The following CHIT1 variants were observed in gnomAD, a reference collection of about 807,000 sequenced individuals.
The protein encoded by CHIT1 is chitinase 1.
In CHIT1, 47 loss-of-function variants were observed where a neutral mutation model predicts 52.0. The ratio of observed to expected loss-of-function variants is 0.90; its 90% confidence interval spans 0.71 to 1.15. CHIT1 has a LOEUF of 1.15. Among genes scored for constraint, CHIT1 ranks in the 50% most tolerant of loss-of-function variants. The pLI is 0.00. For missense variants in CHIT1, 569 were observed against 583.0 expected, an observed-to-expected ratio of 0.98 and a Z score of 0.25; for synonymous variants, 242 against 228.2, an observed-to-expected ratio of 1.06 and a Z score of -0.54.
At chr1:203,226,475 A>G (rs1294288279) in intron 2 of CHIT1, among the ~76,000 whole-genome samples, 1 of 152,198 alleles carries the variant, frequency 6.6e-6, no homozygotes, top group African/African-American at 2.4e-5. Flanking sequence ...TAAAATGCAA[A>G]CAGATAAGTA....
chr1:203,222,135 A>T, intron 7 of CHIT1, 67 bp downstream of exon 7: 1 of 1,608,682 alleles, frequency 6.2e-7, no homozygotes, highest in South Asian at 1.1e-5. Context: ...CTCGGGGCTC[A>T]AAAGAAGCCA....
Position 203,216,433 on chromosome 1 carries a change from C to T in CHIT1, c.*456G>A, listed in dbSNP as rs1306841624. The T allele has an allele frequency of 4.4e-6, 2 of 454,868 alleles. No individual in the cohort carries two copies. Among genetic ancestry groups the T allele is most frequent in the African/African-American group, 4.0e-5 (2 of 50,028 alleles). 28.2% of individuals were successfully genotyped at this position (454,868 alleles called of 1,614,324 possible). On this transcript the variant is annotated 3_prime_UTR_variant, in exon 11 of 11. Transcript: ENST00000367229. ...CGTGCGTGAAGGTCCGCAGAAGCTC[C>T]TGTTTCCAGGCTTCTGAGCCAATAA...
In CHIT1 at chr1:203,217,764, G is replaced by A; in HGVS notation, c.1131C>T (p.Leu377=). The A allele has an allele frequency of 1.2e-6, 2 of 1,614,004 alleles. No homozygotes were observed. The highest frequency in any genetic ancestry group is 1.7e-6 in the Non-Finnish European group (2 of 1,179,864). The part of the protein sequence containing the change: ...GFSCNQGRYP[L]IQTLRQELSL... ...TCAGTTCCTGCCGTAGCGTCTGGATGAGGGGGTATCGGCCCTGGTTGCAGG... is the reference window on the plus strand; with the variant it reads ...TCAGTTCCTGCCGTAGCGTCTGGATAAGGGGGTATCGGCCCTGGTTGCAGG... The change falls in exon 10 of 11, where the codon CTC becomes CTT. Residue 377 remains leucine (L), a synonymous_variant. Transcript: ENST00000367229.
intron 1 of CHIT1, 89 bp from the exon 2 acceptor site, chr1:203,228,651 A>G (rs2102246763): frequency 1.4e-6 from 2 of 1,414,352 alleles, no homozygotes; most frequent in East Asian, 2.5e-5. Flanking sequence ...GGAGGTGGTC[A>G]GGGAGGGCTG....
Position 203,223,193 on chromosome 1 carries a change from C to G in CHIT1, c.547G>C (p.Ala183Pro), listed in dbSNP as rs1656801372. The G allele has an allele frequency of 1.2e-6, 2 of 1,614,224 alleles. No individual in the cohort carries two copies. Among genetic ancestry groups the G allele is most frequent in the Admixed American group, 3.3e-5 (2 of 60,032 alleles). Reference protein sequence around the residue: ...SGKERLLLSAAVPAGQTYVDA... With the variant: ...SGKERLLLSAPVPAGQTYVDA... ...ACATAGGTCTGCCCAGCTGGAACCG[C>G]TGCACTCAGAAGAAGGCGTTCCTTC... The change falls in exon 6 of 11, where the codon GCG becomes CCG. Residue 183 changes from alanine to proline, a missense_variant. Transcript: ENST00000367229.
At chr1:203,225,950 A>C in intron 2 of CHIT1, 80 bp from the exon 3 acceptor site, 1 of 1,469,418 alleles carries the variant, frequency 6.8e-7, no homozygotes, top group South Asian at 1.2e-5. Context: ...TGGGGTAGGC[A>C]ATGTCCTTGG....
chr1:203,225,898 T>C (rs1361411852), intron 2 of CHIT1, 28 bp from the exon 3 acceptor site: 9 of 1,612,516 alleles, frequency 5.6e-6, no homozygotes, highest in South Asian at 1.1e-5. Flanking sequence ...AGAAAAGGGA[T>C]AGCTGTCAGC....
intron 1 of CHIT1, 64 bp from the exon 2 acceptor site, chr1:203,228,626 G>T: frequency 6.5e-7 from 1 of 1,529,892 alleles, no homozygotes; most frequent in Non-Finnish European, 8.9e-7. Context: ...AGGCCCCACA[G>T]CTTACGGAAG....
intron 4 of CHIT1, 94 bp from the exon 5 acceptor site, chr1:203,223,754 C>A: frequency 1.2e-5 from 16 of 1,304,186 alleles, no homozygotes; most frequent in Non-Finnish European, 1.7e-5. Context: ...CAGGACAGTG[C>A]GTCTCTGTGT....
intron 10 of CHIT1, 172 bp from the exon 11 acceptor site, chr1:203,217,305 C>T: frequency 6.5e-7 from 1 of 1,537,768 alleles, no homozygotes; most frequent in Non-Finnish European, 8.7e-7. Context: ...GCCATACCTA[C>T]AGCTGAAGCA....
chr1:203,223,702 G>A (rs1418281590), intron 4 of CHIT1, 42 bp from the exon 5 acceptor site: 1 of 1,600,618 alleles, frequency 6.2e-7, no homozygotes, highest in Non-Finnish European at 8.6e-7. Context: ...CCTTGGACCA[G>A]ACAGGAGGCC....
At chr1:203,217,624 T>A in intron 10 of CHIT1, 115 bp downstream of exon 10, 1 of 1,527,170 alleles carries the variant, frequency 6.5e-7, no homozygotes, top group Non-Finnish European at 9.0e-7. Context: ...AATTACAGTA[T>A]TGGGGCAAAG....
rs756826093 is a variant in CHIT1 at position 203,216,304 on chromosome 1, A to G, written c.*585T>C. 4.4e-6 allele frequency: 2 copies of G among 454,066 alleles called. No individual in the cohort carries two copies. The highest frequency in any genetic ancestry group is 4.4e-6 in the Non-Finnish European group (1 of 226,788). The allele number at this position is 454,066 out of a possible 1,614,324, so 28.1% of individuals were successfully genotyped here. A position where few individuals can be genotyped will look rare whatever the true frequency, so the allele number is the denominator to read the frequency against. ...TTTATCTCGAAGACCCCTGAGTACC[A>G]GGGGTCTGAATTCTTAGTGTAATGC... On this transcript the variant is annotated 3_prime_UTR_variant, in exon 11 of 11. Transcript: ENST00000367229.
chr1:203,226,794 A>G (rs1656945803), intron 2 of CHIT1, among the ~76,000 whole-genome samples: 1 of 152,086 alleles, frequency 6.6e-6, no homozygotes, highest in Non-Finnish European at 1.5e-5. Flanking sequence ...AGGGTTGACC[A>G]GGACACCAGG....
At position 203,216,595 on chromosome 1, in the gene CHIT1, C is replaced by T. The variant is rs1350073244; in HGVS notation, c.*294G>A. 1 of 502,448 alleles carries T rather than the reference C, an allele frequency of 2.0e-6. No individual in the cohort carries two copies. The highest frequency in any genetic ancestry group is 2.3e-5 in the Admixed American group (1 of 43,844). 31.1% of individuals were successfully genotyped at this position (502,448 alleles called of 1,614,324 possible). On this transcript the variant is annotated 3_prime_UTR_variant, in exon 11 of 11. Coordinates refer to ENST00000367229, the MANE Select transcript of CHIT1 (RefSeq NM_003465.3). ...CATCCTGCACGGACCACCTTCCCAC[C>T]TGGCTCTGACCTGCGGATGTTTTGG...
intron 2 of CHIT1, among the ~76,000 whole-genome samples, chr1:203,227,795 C>T (rs919145978): frequency 6.6e-6 from 1 of 152,206 alleles, no homozygotes; most frequent in Non-Finnish European, 1.5e-5. Context: ...CTCTCATCTT[C>T]CCCATGTTTG....
chr1:203,227,953 G>A (rs1221799600), intron 2 of CHIT1, among the ~76,000 whole-genome samples: 1 of 152,150 alleles, frequency 6.6e-6, no homozygotes, highest in African/African-American at 2.4e-5. Flanking sequence ...GAATGGGGTG[G>A]GACAAGACGG....
At position 203,218,239 on chromosome 1, in the gene CHIT1, C is replaced by T. The variant is rs568039684; in HGVS notation, c.1030-374G>A. ...GGTCAAGGTCAAGGTCAAGGTAAGT[C>T]CAGTTACCATAGGGAACAACTCAGA... On this transcript the variant is annotated intron_variant, in intron 9 of 10. Transcript: ENST00000367229. 70 of 416,840 alleles carry T rather than the reference C, an allele frequency of 1.7e-4. No homozygotes were observed. The South Asian group carries it at 2.6e-3, about 16-fold the overall frequency. 25.8% of individuals were successfully genotyped at this position (416,840 alleles called of 1,614,324 possible).
chr1:203,225,060 A>T lies in CHIT1; in HGVS notation c.302T>A (p.Phe101Tyr), dbSNP rs1400131301. The change falls in exon 4 of 11, where the codon TTC becomes TAC. Residue 101 changes from phenylalanine to tyrosine, a missense_variant. Transcript: ENST00000367229. ...ACAGTCAACTAACTTCTGAGTGCCG[A>T]AATTCCAGCCTCCGATGGCTAACAG... ...KTLLAIGGWN[F>Y]GTQKFTDMVA... The T allele has an allele frequency of 6.2e-7, 1 of 1,613,762 alleles. No individual in the cohort carries two copies. Among genetic ancestry groups the T allele is most frequent in the African/African-American group, 1.3e-5 (1 of 74,846 alleles).
Sources: gnomAD v4.1 joint callset for allele counts (sites outside exome capture counted in the v4.1 genomes callset) on GRCh38, gnomAD v4.1.1 for gene constraint, MANE v1.5 for transcripts, NCBI Gene and HGNC (gene_info 2026-07-23, HGNC 2026-07-21) for gene names.